The following HMG20B variants were observed in gnomAD, a reference collection of about 807,000 sequenced individuals.
The protein encoded by HMG20B is SWI/SNF-related matrix-associated actin-dependent regulator of chromatin subfamily E member 1-related.
Under a neutral mutation model 41.6 loss-of-function variants are expected in HMG20B, and 24 were observed. That is an observed-to-expected ratio of 0.58 (90% CI 0.42 to 0.81). The LOEUF is 0.81. HMG20B is among the 30% of genes least tolerant of loss of function. The probability of loss-of-function intolerance (pLI) is 0.00; values close to 1 mark genes in which losing one functional copy is unlikely to be tolerated. For synonymous variants in HMG20B, 251 were observed against 186.6 expected (o/e 1.34, Z -2.81); for missense variants, 461 against 444.0 (o/e 1.04, Z -0.34).
chr19:3,573,179 C>G, intron 1 of HMG20B, 113 bp from the exon 2 acceptor site: 1 of 836,622 alleles, frequency 1.2e-6, no homozygotes. Context: ...ATCCGGCCCC[C>G]CCAGCGCTCC....
Position 3,572,997 on chromosome 19 carries a change from G to A in HMG20B, c.-19+3G>A. The A allele has an allele frequency of 5.5e-6, 2 of 362,506 alleles. No individual in the cohort carries two copies. The highest frequency in any genetic ancestry group is 1.0e-5 in the Non-Finnish European group (2 of 199,512). The allele number at this position is 362,506 out of a possible 1,614,324, so 22.5% of individuals were successfully genotyped here. A position where few individuals can be genotyped will look rare whatever the true frequency, so the allele number is the denominator to read the frequency against. ...GGTCCGGGAAAGTTTCTTTGGAGGTGAAAACAGCCGCGGAACTCCGGGCCC... is the reference window on the plus strand; with the variant it reads ...GGTCCGGGAAAGTTTCTTTGGAGGTAAAAACAGCCGCGGAACTCCGGGCCC... On this transcript the variant is annotated splice_donor_region_variant and intron_variant, in intron 1 of 9. Transcript: ENST00000333651.
Position 3,578,018 on chromosome 19 carries a change from C to T in HMG20B, c.846C>T (p.Phe282=). Residue 282 remains phenylalanine, a synonymous_variant, in exon 9 of 10, where the codon TTC becomes TTT. Coordinates refer to ENST00000333651, the MANE Select transcript of HMG20B (RefSeq NM_006339.3). Reference sequence around the variant, plus strand: ...CGCCCACGCTGGGCACTCTGGACTTCTACATGGCCCGGCTTCACGGAGCCA... The same window carrying T: ...CGCCCACGCTGGGCACTCTGGACTTTTACATGGCCCGGCTTCACGGAGCCA... ...GETPTLGTLD[F]YMARLHGAIE... is the part of the protein sequence containing the mutation. The T allele has an allele frequency of 1.2e-6, 2 of 1,608,352 alleles. No homozygotes were observed. The highest frequency in any genetic ancestry group is 1.7e-6 in the Non-Finnish European group (2 of 1,178,528).
At chr19:3,574,613 G>T (rs749982971) in intron 4 of HMG20B, 27 bp downstream of exon 4, 2 of 1,556,842 alleles carry the variant, frequency 1.3e-6, no homozygotes, top group Admixed American at 3.8e-5. Flanking sequence ...GCCGAGCAGG[G>T]CTGGCGGGGT....
rs868378391 is a variant in HMG20B at position 3,574,372 on chromosome 19, C to T, written c.148-11C>T. The T allele has an allele frequency of 1.9e-6, 3 of 1,572,242 alleles. No individual in the cohort carries two copies. The highest frequency in any genetic ancestry group is 2.4e-5 in the East Asian group (1 of 42,380). On this transcript the variant is annotated splice_polypyrimidine_tract_variant and intron_variant, in intron 3 of 9. Transcript: ENST00000333651. ...AGGCCCCCCTCCCAACGACGCAGCC[C>T]GGTTCTGCAGCCGGTGAAGAAACGC...
At position 3,573,221 on chromosome 19, in the gene HMG20B, G is replaced by T. The variant is rs2032079604; in HGVS notation, c.-18-71G>T. ...GGCATCCCGGGGCTCTCCATCGCGG[G>T]GTACCCCAGTTCGCGGTCTGCCATC... On this transcript the variant is annotated intron_variant, in intron 1 of 9. Coordinates refer to ENST00000333651, the MANE Select transcript of HMG20B (RefSeq NM_006339.3). The T allele has an allele frequency of 4.6e-6, 6 of 1,300,164 alleles. No individual in the cohort carries two copies. In the Admixed American group the frequency reaches 1.0e-4, roughly 22 times the overall value. The allele number at this position is 1,300,164 out of a possible 1,614,324, so 80.5% of individuals were successfully genotyped here. A position where few individuals can be genotyped will look rare whatever the true frequency, so the allele number is the denominator to read the frequency against.
At chr19:3,576,368 CCT>C in intron 6 of HMG20B, 61 bp downstream of exon 6, 4 of 1,553,664 alleles carry the variant, frequency 2.6e-6, no homozygotes, top group Non-Finnish European at 3.6e-6. Flanking sequence ...CTTCTAGAAC[CCT>C]GAGTCAGAGC....
At position 3,577,009 on chromosome 19, in the gene HMG20B, A is replaced by AGCTGGCGCTGGAGGAGCGGAGGAC; in HGVS notation, c.721_744dup (p.Glu241_Leu248dup). The AGCTGGCGCTGGAGGAGCGGAGGAC allele has an allele frequency of 6.4e-7, 1 of 1,557,984 alleles. No homozygotes were observed. Among genetic ancestry groups the AGCTGGCGCTGGAGGAGCGGAGGAC allele is most frequent in the Non-Finnish European group, 8.7e-7 (1 of 1,152,200 alleles). On this transcript the variant is annotated inframe_insertion, in exon 8 of 10. Transcript: ENST00000333651. The stretch of plus-strand genomic sequence containing the variant: ...AGCGCGCGCGAGCGTCTGGAGCAGG[A>AGCTGGCGCTGGAGGAGCGGAGGAC]GCTGGCGCTGGAGGAGCGGAGGACG...
chr19:3,573,292 G>A lies in HMG20B; in HGVS notation c.-18G>A, dbSNP rs911265009. 2.0e-6 allele frequency: 3 copies of A among 1,522,628 alleles called. No homozygotes were observed. In the African/African-American group the frequency reaches 4.2e-5, roughly 21 times the overall value. 94.3% of individuals were successfully genotyped at this position (1,522,628 alleles called of 1,614,324 possible). A position where few individuals can be genotyped will look rare whatever the true frequency, so the allele number is the denominator to read the frequency against. Reference sequence around the variant, plus strand: ...ACCTCCGCCCGCGTCCGTGTTCCAGGTCCGGCCCGGAGCGGCCATGTCCCA... The same window carrying A: ...ACCTCCGCCCGCGTCCGTGTTCCAGATCCGGCCCGGAGCGGCCATGTCCCA... On this transcript the variant is annotated splice_region_variant and 5_prime_UTR_variant, in exon 2 of 10. Coordinates refer to ENST00000333651, the MANE Select transcript of HMG20B (RefSeq NM_006339.3).
intron 4 of HMG20B, 128 bp downstream of exon 4, chr19:3,574,714 ACTT>A (rs2032121396): frequency 2.8e-6 from 2 of 710,626 alleles, no homozygotes; most frequent in South Asian, 2.1e-5. Flanking sequence ...CCCATAACCA[ACTT>A]TTTTTTTTTT....
chr19:3,573,493 C>G (rs1161791073), intron 2 of HMG20B, 146 bp downstream of exon 2: 1 of 973,792 alleles, frequency 1.0e-6, no homozygotes, highest in Non-Finnish European at 1.4e-6. Flanking sequence ...ATTCTGCACC[C>G]CCCACCTCGG....
Position 3,574,550 on chromosome 19 carries a change from C to G in HMG20B, c.315C>G (p.Gly105=). The change falls in exon 4 of 10, where the codon GGC becomes GGG. Residue 105 remains glycine, a synonymous_variant. Coordinates refer to ENST00000333651, the MANE Select transcript of HMG20B (RefSeq NM_006339.3). The stretch of plus-strand genomic sequence containing the variant: ...TTCCCGAGATCACCAAGATGCTGGG[C>G]GCCGAGTGGAGCAAGCTGCAGCCAA... The part of the protein sequence containing the change: ...LPFPEITKML[G]AEWSKLQPTE... The G allele has an allele frequency of 6.2e-7, 1 of 1,603,982 alleles. No homozygotes were observed. Among genetic ancestry groups the G allele is most frequent in the Non-Finnish European group, 8.5e-7 (1 of 1,176,968 alleles).
At chr19:3,578,274 C>A in intron 9 of HMG20B, 161 bp downstream of exon 9, 2 of 1,173,110 alleles carry the variant, frequency 1.7e-6, no homozygotes. Flanking sequence ...TGCACCAGTG[C>A]TAGGATGGCC....
rs907806598 is a variant in HMG20B, at chr19:3,573,427, C to T, written c.38+80C>T. 5 of 1,385,166 alleles carry T rather than the reference C, an allele frequency of 3.6e-6. No homozygotes were observed. The African/African-American group carries it at 4.5e-5, about 12-fold the overall frequency. The allele number at this position is 1,385,166 out of a possible 1,614,324, so 85.8% of individuals were successfully genotyped here. On this transcript the variant is annotated intron_variant, in intron 2 of 9. Transcript: ENST00000333651. ...AGCTCCTGAACCCCTGACCCAGTCC[C>T]TCCCGCCGGAGTCTTGACTCCCCCA... is the stretch of plus-strand genomic sequence containing the variant.
chr19:3,573,215 T>G, intron 1 of HMG20B, 77 bp from the exon 2 acceptor site: 1 of 1,252,250 alleles, frequency 8.0e-7, no homozygotes, highest in Non-Finnish European at 1.1e-6. Flanking sequence ...GGGCTCTCCA[T>G]CGCGGGGTAC....
Position 3,578,507 on chromosome 19 carries a change from A to T in HMG20B, c.942-2A>T. ...ATCCCGGGCCCTCCTCTCTCGTTTCAGCGAGCACCTGTGAGGAGTGGGCGG... is the reference window on the plus strand; with the variant it reads ...ATCCCGGGCCCTCCTCTCTCGTTTCTGCGAGCACCTGTGAGGAGTGGGCGG... On this transcript the variant is annotated splice_acceptor_variant, in intron 9 of 9. Coordinates refer to ENST00000333651, the MANE Select transcript of HMG20B (RefSeq NM_006339.3). LOFTEE classifies it high-confidence loss of function. 3 of 1,550,884 alleles carry T rather than the reference A, an allele frequency of 1.9e-6. No homozygotes were observed. The highest frequency in any genetic ancestry group is 2.6e-6 in the Non-Finnish European group (3 of 1,148,646).
intron 9 of HMG20B, 50 bp downstream of exon 9, chr19:3,578,163 G>C (rs781032265): frequency 6.3e-7 from 1 of 1,589,796 alleles, no homozygotes; most frequent in East Asian, 2.3e-5. Context: ...GCCCGGATGT[G>C]CCCGCCCTGG....
At chr19:3,575,431 C>T (rs937546601) in intron 4 of HMG20B, 109 bp from the exon 5 acceptor site, 10 of 1,504,006 alleles carry the variant, frequency 6.6e-6, no homozygotes, top group Non-Finnish European at 8.9e-6. Flanking sequence ...GAATAGGGAG[C>T]TATAGAAGGT....
intron 9 of HMG20B, 74 bp downstream of exon 9, chr19:3,578,187 C>T (rs749338908): frequency 1.9e-6 from 3 of 1,556,536 alleles, no homozygotes; most frequent in South Asian, 1.2e-5. Flanking sequence ...TCCCCAGGTC[C>T]GCGAGGGCTG....
In HMG20B at chr19:3,579,020, G is replaced by T. The variant is rs774719535; in HGVS notation, c.*499G>T. On this transcript the variant is annotated 3_prime_UTR_variant, in exon 10 of 10. Coordinates refer to ENST00000333651, the MANE Select transcript of HMG20B (RefSeq NM_006339.3). This position sits in a 1 kb window ranked among gnomAD's most constrained non-coding sequence, Gnocchi z 7.4. Reference sequence around the variant, plus strand: ...CTCCAGCCGAGGGACCCTGGTGGGGGTGGCTCCTTCTCACTGCTGGATCCG... The same window carrying T: ...CTCCAGCCGAGGGACCCTGGTGGGGTTGGCTCCTTCTCACTGCTGGATCCG... 2.9e-6 allele frequency: 1 copy of T among 348,256 alleles called. No homozygotes were observed. Among genetic ancestry groups the T allele is most frequent in the South Asian group, 2.2e-5 (1 of 45,818 alleles). The allele number at this position is 348,256 out of a possible 1,614,324, so 21.6% of individuals were successfully genotyped here.
Sources: allele counts gnomAD v4.1 joint callset, GRCh38; gene constraint gnomAD v4.1.1; non-coding constraint Gnocchi (gnomAD v3.1); transcripts MANE v1.5; gene names NCBI Gene and HGNC (gene_info 2026-07-23, HGNC 2026-07-21).